Variants in APP observed in about 807,000 individuals in gnomAD.
APP encodes amyloid beta precursor protein.
A neutral mutation model predicts 101.4 loss-of-function variants in APP; 31 were observed. The observed-to-expected ratio is 0.31, with a 90% CI of 0.23 to 0.41. The LOEUF (loss-of-function observed/expected upper bound fraction) is 0.41. APP is among the 10% of genes least tolerant of loss of function. The pLI, the probability that APP is intolerant of heterozygous loss-of-function variation, is 1.00. For missense variants in APP, 839 were observed against 1,003.7 expected (o/e 0.84, Z 2.22); for synonymous variants, 366 against 364.4 (o/e 1.00, Z -0.05).
intron 1 of APP, among the ~76,000 whole-genome samples, chr21:26,164,547 A>G (rs1194362100): frequency 2.0e-5 from 3 of 152,164 alleles, no homozygotes; most frequent in Non-Finnish European, 4.4e-5. Context: ...CAGTGTATAA[A>G]CTTGCTCAAT....
chr21:25,911,675 GCA>G (rs2039076522), intron 14 of APP, 64 bp downstream of exon 14: 5 of 1,382,608 alleles, frequency 3.6e-6, no homozygotes, highest in East Asian at 4.7e-5. Flanking sequence ...TCTCTCTCTT[GCA>G]CACACGTTAT....
chr21:26,080,664 G>A (rs999078888), intron 3 of APP, among the ~76,000 whole-genome samples: 13 of 151,658 alleles, frequency 8.6e-5, no homozygotes, highest in South Asian at 2.1e-4. Context: ...CCAGCTACTC[G>A]GTAGGCTGAG....
chr21:26,127,529 G>A (rs1352082483), intron 1 of APP, among the ~76,000 whole-genome samples: 2 of 152,160 alleles, frequency 1.3e-5, no homozygotes, highest in Non-Finnish European at 1.5e-5. Context: ...CTGCAACTAT[G>A]AACAGGGTCT....
intron 13 of APP, among the ~76,000 whole-genome samples, chr21:25,953,918 G>T (rs899463403): frequency 6.6e-6 from 1 of 152,222 alleles, no homozygotes; most frequent in Admixed American, 6.5e-5. Context: ...GGTGATGGAT[G>T]CATGAGACCT....
intron 3 of APP, among the ~76,000 whole-genome samples, chr21:26,080,569 C>T (rs1005503487): frequency 6.6e-6 from 1 of 151,744 alleles, no homozygotes; most frequent in South Asian, 2.1e-4. Context: ...GAGTTCAAGA[C>T]CAGACTGGCC....
In APP at chr21:26,090,213, TCTGA is replaced by T. The variant is rs755125127; in HGVS notation, c.226-145_226-142del. ...TGGGACCAGAAGTGCTTTCAAGGTC[TCTGA>T]CTTTTTCCGATTTTAGAACATCTGC... On this transcript the variant is annotated intron_variant, in intron 2 of 17. Coordinates refer to ENST00000346798, the MANE Select transcript of APP (RefSeq NM_000484.4). 3.1e-5 allele frequency: 40 copies of T among 1,291,876 alleles called. 1 individual carries two copies. Among genetic ancestry groups the T allele is most frequent in the Non-Finnish European group, 4.0e-5 (37 of 934,074 alleles). 80.0% of individuals were successfully genotyped at this position (1,291,876 alleles called of 1,614,324 possible). A position where few individuals can be genotyped will look rare whatever the true frequency, so the allele number is the denominator to read the frequency against.
intron 5 of APP, among the ~76,000 whole-genome samples, chr21:26,035,952 T>C (rs952700131): frequency 2.6e-5 from 4 of 152,176 alleles, no homozygotes; most frequent in Admixed American, 2.0e-4. Flanking sequence ...ATTACTGAGA[T>C]AGAATAGCTT....
intron 8 of APP, among the ~76,000 whole-genome samples, chr21:25,992,501 A>C (rs1054902956): frequency 4.6e-5 from 7 of 152,238 alleles, no homozygotes; most frequent in African/African-American, 1.4e-4. Flanking sequence ...TCCGAAATCC[A>C]AAATCTGAAG....
At chr21:26,003,901 A>ACGTATCCT (rs1346748068) in intron 6 of APP, among the ~76,000 whole-genome samples, 1 of 152,232 alleles carries the variant, frequency 6.6e-6, no homozygotes, top group Non-Finnish European at 1.5e-5. Flanking sequence ...AAGGAATGGA[A>ACGTATCCT]CGTATCCTCT....
chr21:25,892,433 G>A (rs188696079), intron 16 of APP, among the ~76,000 whole-genome samples: 385 of 151,364 alleles, frequency 2.5e-3, no homozygotes, highest in Non-Finnish European at 3.5e-3. Flanking sequence ...TGAAACAAAG[G>A]AGTTAAACAA....
chr21:26,076,153 C>T (rs769901125), intron 3 of APP, among the ~76,000 whole-genome samples: 5 of 152,148 alleles, frequency 3.3e-5, no homozygotes, highest in Non-Finnish European at 7.4e-5. Context: ...CTCGGCCTCC[C>T]AAAGTGCTGG....
intron 16 of APP, 111 bp from the exon 17 acceptor site, chr21:25,891,979 G>T: frequency 8.9e-7 from 1 of 1,123,806 alleles, no homozygotes; most frequent in Non-Finnish European, 1.3e-6. Flanking sequence ...ACATTTGGAT[G>T]AGGTTATATA....
rs1443048876 is a variant in APP at position 26,135,749 on chromosome 21, C to T, written c.58-23603G>A. Among the ~76,000 whole-genome samples, 3 of 152,140 alleles carry T rather than the reference C, an allele frequency of 2.0e-5. No homozygotes were observed. The East Asian group carries it at 5.8e-4, about 29-fold the overall frequency. ...CTCATCATCCCAGATCTTTATCTCCCCAATGTCACCACATTAGGAGTGTTT... is the reference window on the plus strand; with the variant it reads ...CTCATCATCCCAGATCTTTATCTCCTCAATGTCACCACATTAGGAGTGTTT... On this transcript the variant is annotated intron_variant, in intron 1 of 17. Coordinates refer to ENST00000346798, the MANE Select transcript of APP (RefSeq NM_000484.4).
chr21:26,117,641 A>G (rs910244036), intron 1 of APP, among the ~76,000 whole-genome samples: 4 of 152,198 alleles, frequency 2.6e-5, no homozygotes, highest in African/African-American at 9.6e-5. Flanking sequence ...TCAAATTAAA[A>G]TGGAAAATTG....
chr21:25,988,987 GCT>G (rs1214398411), intron 8 of APP, among the ~76,000 whole-genome samples: 1 of 152,106 alleles, frequency 6.6e-6, no homozygotes, highest in Non-Finnish European at 1.5e-5. Flanking sequence ...ACCTGCCAGA[GCT>G]CTGTTTTCTG....
At chr21:26,160,799 TC>T (rs1202462861) in intron 1 of APP, among the ~76,000 whole-genome samples, 3 of 152,198 alleles carry the variant, frequency 2.0e-5, no homozygotes, top group Non-Finnish European at 2.9e-5. Context: ...ATTGAAAGTG[TC>T]CCAATCAATC....
intron 1 of APP, among the ~76,000 whole-genome samples, chr21:26,168,298 C>T (rs190611015): frequency 7.9e-5 from 12 of 152,232 alleles, no homozygotes. Flanking sequence ...TTTCTAAGCT[C>T]TATAAAAGAC....
chr21:26,005,715 T>C (rs750590192), intron 6 of APP, among the ~76,000 whole-genome samples: 6 of 152,226 alleles, frequency 3.9e-5, no homozygotes, highest in Non-Finnish European at 7.3e-5. Flanking sequence ...ATGTTTACAT[T>C]TTCTATTTTT....
intron 1 of APP, among the ~76,000 whole-genome samples, chr21:26,128,382 G>C (rs1374399315): frequency 6.6e-6 from 1 of 152,186 alleles, no homozygotes; most frequent in African/African-American, 2.4e-5. Flanking sequence ...ACAGAGCTAA[G>C]AAGCAAATTT....
Sources: allele counts gnomAD v4.1 joint callset (sites outside exome capture counted in the v4.1 genomes callset), GRCh38; gene constraint gnomAD v4.1.1; transcripts MANE v1.5; gene names NCBI Gene and HGNC (gene_info 2026-07-23, HGNC 2026-07-21).